PHF8: variants seen among roughly 807,000 people sequenced by gnomAD.
PHF8 encodes the protein PHD finger protein 8.
A neutral mutation model predicts 74.4 loss-of-function variants in PHF8; 9 were observed. The observed-to-expected ratio is 0.12, with a 90% CI of 0.07 to 0.21. The LOEUF (loss-of-function observed/expected upper bound fraction) is 0.21, where lower values mean the gene tolerates loss of function less well. Among genes scored for constraint, PHF8 ranks in the 10% least tolerant of loss-of-function variants. The probability of loss-of-function intolerance (pLI) is 1.00; values close to 1 mark genes in which losing one functional copy is unlikely to be tolerated. For missense variants in PHF8, 478 were observed against 816.6 expected (o/e 0.59, Z 5.05); for synonymous variants, 311 against 316.6 (o/e 0.98, Z 0.19).
chrX:53,985,332 AGTGGGAG>A, intron 17 of PHF8, 105 bp from the exon 18 acceptor site: 1 of 671,994 alleles, frequency 1.5e-6, no homozygotes, highest in Admixed American at 2.8e-5. Context: ...TGAGGATCAA[AGTGGGAG>A]GAAAAAGGGG....
chrX:53,996,203 G>A (rs781991472), intron 11 of PHF8, among the ~76,000 whole-genome samples: 1 of 109,350 alleles, frequency 9.1e-6, no homozygotes, highest in East Asian at 2.9e-4. Context: ...TGCAACCCCC[G>A]CCTCCCGGGT....
intron 2 of PHF8, among the ~76,000 whole-genome samples, chrX:54,031,146 A>G (rs1356266662): frequency 9.0e-6 from 1 of 111,703 alleles, no homozygotes; most frequent in African/African-American, 3.3e-5. Flanking sequence ...ACAATATGTA[A>G]CCAGGATATA....
At chrX:54,041,448 C>T (rs2066554906) in intron 2 of PHF8, among the ~76,000 whole-genome samples, 1 of 109,447 alleles carries the variant, frequency 9.1e-6, no homozygotes, top group African/African-American at 3.3e-5. Context: ...CTGGAGGAGA[C>T]CAGACAACTG....
intron 8 of PHF8, among the ~76,000 whole-genome samples, chrX:54,003,089 A>G (rs1472919716): frequency 1.8e-5 from 2 of 112,108 alleles, no homozygotes; most frequent in Non-Finnish European, 1.9e-5. Context: ...TCTTCCCACT[A>G]AACATTTTTG....
chrX:53,960,475 C>T (rs192953552), intron 19 of PHF8, among the ~76,000 whole-genome samples: 2 of 109,168 alleles, frequency 1.8e-5, no homozygotes, highest in African/African-American at 3.3e-5. Context: ...TGTGGCCAGG[C>T]GTGGTGGCTC....
chrX:53,952,713 C>T (rs1180188379), intron 19 of PHF8, among the ~76,000 whole-genome samples: 1 of 107,876 alleles, frequency 9.3e-6, no homozygotes, highest in Non-Finnish European at 1.9e-5. Flanking sequence ...GAAACCTCGT[C>T]TCTACTAAAA....
intron 2 of PHF8, among the ~76,000 whole-genome samples, chrX:54,033,062 A>C (rs1269164065): frequency 9.0e-6 from 1 of 111,262 alleles, no homozygotes; most frequent in Non-Finnish European, 1.9e-5. Flanking sequence ...CCCACCTAGC[A>C]GGTGGTGGAT....
In PHF8 at chrX:53,937,747, T is replaced by C. The variant is rs1557082167; in HGVS notation, c.*1411A>G. 2 of 364,852 alleles carry C rather than the reference T, an allele frequency of 5.5e-6. No homozygotes were observed. Among genetic ancestry groups the C allele is most frequent in the Non-Finnish European group, 9.5e-6 (2 of 209,559 alleles). The allele number at this position is 364,852 out of a possible 1,213,427, so 30.1% of individuals were successfully genotyped here. ...TGTGGCCTGCATGGTAGCTATTAAA[T>C]TCCCCAGAAGCATTGGGCAAGCTGG... On this transcript the variant is annotated 3_prime_UTR_variant, in exon 22 of 22. Transcript: ENST00000338154.
intron 4 of PHF8, among the ~76,000 whole-genome samples, chrX:54,021,460 T>TA (rs2066170845): frequency 1.1e-4 from 8 of 69,984 alleles, no homozygotes; most frequent in Non-Finnish European, 1.9e-4. Flanking sequence ...AATTATTTTT[T>TA]TTTTTTTTTT....
At chrX:54,036,242 G>A (rs1431375950) in intron 2 of PHF8, among the ~76,000 whole-genome samples, 1 of 110,202 alleles carries the variant, frequency 9.1e-6, no homozygotes, top group Non-Finnish European at 1.9e-5. Flanking sequence ...CATTCTTTTC[G>A]AGTGATCATG....
Position 53,985,230 on chromosome X carries a change from G to A in PHF8, c.2130-3C>T, listed in dbSNP as rs374079855. 4.5e-5 allele frequency: 53 copies of A among 1,184,131 alleles called. No individual in the cohort carries two copies. In the African/African-American group the frequency reaches 8.3e-4, roughly 19 times the overall value. ...TGCTGGGAGAAGCTGGGGCCTCGCT[G>A]CAAGGAACAGAGGAGAAATACTGAG... is the stretch of plus-strand genomic sequence containing the variant. On this transcript the variant is annotated splice_region_variant and splice_polypyrimidine_tract_variant and intron_variant, in intron 17 of 21. Transcript: ENST00000338154.
chrX:54,008,260 G>A (rs782728177), intron 8 of PHF8, among the ~76,000 whole-genome samples: 62 of 109,883 alleles, frequency 5.6e-4, no homozygotes, highest in Admixed American at 2.6e-3. Flanking sequence ...CCGGCTATGC[G>A]GGAGGCTGAG....
chrX:53,968,794 C>T (rs147792003), intron 18 of PHF8, among the ~76,000 whole-genome samples: 354 of 111,429 alleles, frequency 3.2e-3, no homozygotes, highest in African/African-American at 0.011. Context: ...TCTGTAATCC[C>T]GGTTACTTGG....
intron 1 of PHF8, 177 bp from the exon 2 acceptor site, chrX:54,042,997 A>C: frequency 6.0e-6 from 3 of 499,887 alleles, no homozygotes; most frequent in Non-Finnish European, 9.0e-6. Flanking sequence ...ACACGTAAAG[A>C]ACGGAGCTCA....
At chrX:53,995,243 TTAA>T (rs782815522) in intron 12 of PHF8, 12 of 340,363 alleles carry the variant, frequency 3.5e-5, no homozygotes, top group Middle Eastern at 4.4e-4. Flanking sequence ...AGTCAAAATA[TTAA>T]TAATAACAAC....
At chrX:53,958,212 T>C (rs1477196745) in intron 19 of PHF8, among the ~76,000 whole-genome samples, 1 of 108,136 alleles carries the variant, frequency 9.2e-6, no homozygotes, top group Non-Finnish European at 1.9e-5. Flanking sequence ...CAGCTAATTT[T>C]TGTATTTTTA....
intron 2 of PHF8, among the ~76,000 whole-genome samples, chrX:54,032,298 A>T (rs2066372450): frequency 9.0e-6 from 1 of 111,158 alleles, no homozygotes; most frequent in Non-Finnish European, 1.9e-5. Context: ...GATAATGCTG[A>T]TCCTGCTGGT....
At chrX:54,002,949 C>G (rs188734067) in intron 8 of PHF8, among the ~76,000 whole-genome samples, 63 of 111,816 alleles carry the variant, frequency 5.6e-4, no homozygotes, top group African/African-American at 1.8e-3. Flanking sequence ...CATGGGTATA[C>G]AGTGGAGTTT....
intron 2 of PHF8, among the ~76,000 whole-genome samples, chrX:54,042,380 G>GT: frequency 1.0e-5 from 1 of 95,556 alleles, no homozygotes; most frequent in Non-Finnish European, 2.1e-5. Context: ...AAAGGGGGGG[G>GT]GGGTCTTATA....
Sources: gnomAD v4.1 joint callset for allele counts (sites outside exome capture counted in the v4.1 genomes callset) on GRCh38, gnomAD v4.1.1 for gene constraint, MANE v1.5 for transcripts, NCBI Gene and HGNC (gene_info 2026-07-23, HGNC 2026-07-21) for gene names.